TACC2: variants seen among roughly 807,000 people sequenced by gnomAD.
TACC2 encodes the protein transforming acidic coiled-coil containing protein 2, also known as transforming acidic coiled-coil-containing protein 2.
A neutral mutation model predicts 227.3 loss-of-function variants in TACC2; 137 were observed. The observed-to-expected ratio is 0.60, with a 90% CI of 0.52 to 0.69. The LOEUF (loss-of-function observed/expected upper bound fraction) is 0.69, where lower values mean the gene tolerates loss of function less well. TACC2 is among the 30% of genes least tolerant of loss of function. The probability of loss-of-function intolerance (pLI) is 0.00; values close to 1 mark genes in which losing one functional copy is unlikely to be tolerated. For missense variants in TACC2, 3,470 were observed against 3,694.4 expected, an observed-to-expected ratio of 0.94 and a Z score of 1.57; for synonymous variants, 1,523 against 1,487.5, an observed-to-expected ratio of 1.02 and a Z score of -0.55.
At chr10:122,112,432 A>G (rs1376777861) in intron 5 of TACC2, among the ~76,000 whole-genome samples, 1 of 152,242 alleles carries the variant, frequency 6.6e-6, no homozygotes, top group African/African-American at 2.4e-5. Context: ...CAACAGCCAA[A>G]TAGAACGCAC....
chr10:122,250,831 A>G (rs1413262239), intron 22 of TACC2, among the ~76,000 whole-genome samples: 2 of 151,208 alleles, frequency 1.3e-5, no homozygotes, highest in East Asian at 1.9e-4. Context: ...ATACTCACCC[A>G]GTCTCCACTA....
At chr10:122,095,724 C>T (rs539448246) in intron 5 of TACC2, among the ~76,000 whole-genome samples, 41 of 152,336 alleles carry the variant, frequency 2.7e-4, no homozygotes, top group Non-Finnish European at 4.9e-4. Context: ...GGGGAGGCGC[C>T]CTGTTCCCTA....
rs747532165 is a variant in TACC2 at position 122,210,683 on chromosome 10, G to A, written c.6258G>A (p.Ser2086=). The A allele has an allele frequency of 2.5e-5, 40 of 1,613,894 alleles. No individual in the cohort carries two copies. The highest frequency in any genetic ancestry group is 3.2e-5 in the Non-Finnish European group (38 of 1,180,044). The change falls in exon 9 of 23, where the codon TCG becomes TCA. Residue 2086 remains serine, a synonymous_variant. Coordinates refer to ENST00000369005, the MANE Select transcript of TACC2 (RefSeq NM_206862.4). The surrounding 1 kb of genome is among the most constrained non-coding windows in gnomAD (Gnocchi z 4.6). Reference sequence around the variant, plus strand: ...TCTCTAAGTCTACACTGTCCCGGTCGCTCAGCCTGCAAGCCAGTGACTTTG... The same window carrying A: ...TCTCTAAGTCTACACTGTCCCGGTCACTCAGCCTGCAAGCCAGTGACTTTG... ...VPISKSTLSR[S]LSLQASDFDG...
intron 7 of TACC2, among the ~76,000 whole-genome samples, chr10:122,159,191 A>G (rs1334107162): frequency 1.3e-5 from 2 of 152,244 alleles, no homozygotes; most frequent in African/African-American, 4.8e-5. Flanking sequence ...GGCCACGGTG[A>G]GGACCTGGCC....
intron 8 of TACC2, among the ~76,000 whole-genome samples, chr10:122,201,862 G>A (rs2094867701): frequency 6.6e-6 from 1 of 152,226 alleles, no homozygotes; most frequent in South Asian, 2.1e-4. Context: ...GCGAGGCACA[G>A]CAAGGTTAAG....
At chr10:122,026,210 C>T (rs1035979683) in intron 2 of TACC2, among the ~76,000 whole-genome samples, 1 of 150,066 alleles carries the variant, frequency 6.7e-6, no homozygotes, top group African/African-American at 2.4e-5. Flanking sequence ...CATCTGTACT[C>T]CCAGCTACTC....
rs531213162 is a variant in TACC2, at chr10:122,088,726, G to A, written c.5573+135G>A. On this transcript the variant is annotated intron_variant, in intron 5 of 22. Coordinates refer to ENST00000369005, the MANE Select transcript of TACC2 (RefSeq NM_206862.4). Reference sequence around the variant, plus strand: ...AAGAAAGAAGCAAATGGCCATTCCCGTTTTATGTACAGGTACAGCAGTACC... The same window carrying A: ...AAGAAAGAAGCAAATGGCCATTCCCATTTTATGTACAGGTACAGCAGTACC... 149 of 1,542,612 alleles carry A rather than the reference G, an allele frequency of 9.7e-5. No individual in the cohort carries two copies. The South Asian group carries it at 1.3e-3, about 14-fold the overall frequency.
chr10:122,107,489 T>C (rs1201624610), intron 5 of TACC2, among the ~76,000 whole-genome samples: 1 of 152,168 alleles, frequency 6.6e-6, no homozygotes, highest in Non-Finnish European at 1.5e-5. Flanking sequence ...CTTGGGAGGC[T>C]GAGAAAGGAG....
At chr10:122,218,173 G>A (rs1445724349) in intron 11 of TACC2, among the ~76,000 whole-genome samples, 3 of 152,012 alleles carry the variant, frequency 2.0e-5, no homozygotes, top group Admixed American at 2.0e-4. Context: ...TCAAACTCCT[G>A]ACCTTGTGAT....
intron 5 of TACC2, among the ~76,000 whole-genome samples, chr10:122,110,178 T>A (rs1050807515): frequency 6.6e-6 from 1 of 152,114 alleles, no homozygotes; most frequent in Admixed American, 6.5e-5. Context: ...GCAAAAAGAA[T>A]CCTTGGGAAG....
chr10:122,028,713 CCCTTCCTTCCTT>C (rs1315285466), intron 2 of TACC2, among the ~76,000 whole-genome samples: 1 of 150,312 alleles, frequency 6.7e-6, no homozygotes, highest in Non-Finnish European at 1.5e-5. Context: ...ATCCTGTATA[CCCTTCCTTCCTT>C]CCTTCCTTCC....
intron 2 of TACC2, among the ~76,000 whole-genome samples, chr10:122,028,023 G>T (rs34860269): frequency 2.0e-5 from 3 of 150,034 alleles, no homozygotes; most frequent in East Asian, 3.9e-4. Context: ...GATTACAGGC[G>T]TGAGCCACTG....
intron 5 of TACC2, among the ~76,000 whole-genome samples, chr10:122,114,301 A>G (rs191920423): frequency 7.9e-5 from 12 of 152,338 alleles, no homozygotes; most frequent in Admixed American, 4.6e-4. Flanking sequence ...AGCCGTTTCC[A>G]TGATATCTGG....
At chr10:122,073,659 G>C (rs1222464875) in intron 3 of TACC2, among the ~76,000 whole-genome samples, 1 of 152,168 alleles carries the variant, frequency 6.6e-6, no homozygotes, top group Admixed American at 6.6e-5. Context: ...GTATCTTCTT[G>C]TTGACTCACG....
intron 2 of TACC2, among the ~76,000 whole-genome samples, chr10:122,030,693 T>A (rs1358657782): frequency 6.6e-6 from 1 of 150,990 alleles, no homozygotes; most frequent in Non-Finnish European, 1.5e-5. Context: ...CATGACCCAG[T>A]CTGGCAGAGG....
rs2096183171 is a variant in TACC2 at position 122,248,640 on chromosome 10, C to T, written c.8393-3C>T. On this transcript the variant is annotated splice_region_variant and splice_polypyrimidine_tract_variant and intron_variant, in intron 19 of 22. Coordinates refer to ENST00000369005, the MANE Select transcript of TACC2 (RefSeq NM_206862.4). ...TCATTTGGCTCCTGGTCTCTCCTGC[C>T]AGAGGACGAACAGAGAGAGAAGTCA... 3.1e-6 allele frequency: 5 copies of T among 1,612,720 alleles called. No individual in the cohort carries two copies. The highest frequency in any genetic ancestry group is 4.2e-6 in the Non-Finnish European group (5 of 1,180,028).
chr10:122,156,737 C>G (rs1222796685), intron 7 of TACC2, among the ~76,000 whole-genome samples: 1 of 152,168 alleles, frequency 6.6e-6, no homozygotes, highest in East Asian at 1.9e-4. Context: ...CCATGACATC[C>G]TCCTCCTTCT....
chr10:122,177,946 A>C (rs7078370), intron 7 of TACC2, among the ~76,000 whole-genome samples: 61,588 of 152,004 alleles, frequency 0.41, 14,531 homozygotes, highest in African/African-American at 0.67. Context: ...AAGTCTGCCA[A>C]GATCGAAGAT....
chr10:122,061,623 A>G (rs1169690339), intron 3 of TACC2, among the ~76,000 whole-genome samples: 2 of 152,124 alleles, frequency 1.3e-5, no homozygotes, highest in Non-Finnish European at 2.9e-5. Context: ...TTAGCACCCC[A>G]GCCTTTTTAG....
Sources: allele counts gnomAD v4.1 joint callset (sites outside exome capture counted in the v4.1 genomes callset), GRCh38; gene constraint gnomAD v4.1.1; non-coding constraint Gnocchi (gnomAD v3.1); transcripts MANE v1.5; gene names NCBI Gene and HGNC (gene_info 2026-07-23, HGNC 2026-07-21).